The following MKLN1 variants were observed in gnomAD, a reference collection of about 807,000 sequenced individuals.
MKLN1 encodes muskelin 1, also known as muskelin.
Under a neutral mutation model 99.0 loss-of-function variants are expected in MKLN1, and 18 were observed. The ratio of observed to expected loss-of-function variants is 0.18; its 90% CI spans 0.13 to 0.27. The LOEUF (loss-of-function observed/expected upper bound fraction) is 0.27, where lower values mean the gene tolerates loss of function less well. MKLN1 is among the 10% of genes least tolerant of loss of function. MKLN1 has a pLI of 1.00. For synonymous variants in MKLN1, 288 were observed against 293.2 expected, an observed-to-expected ratio of 0.98 and a Z score of 0.18; for missense variants, 621 against 875.9, an observed-to-expected ratio of 0.71 and a Z score of 3.67.
chr7:131,157,707 G>C (rs371606378), intron 2 of MKLN1, among the ~76,000 whole-genome samples: 6 of 152,094 alleles, frequency 3.9e-5, no homozygotes, highest in East Asian at 3.9e-4. Flanking sequence ...TACATTACCC[G>C]AGAAGCTGGT....
chr7:131,245,250 A>C (rs997579078), intron 3 of MKLN1, among the ~76,000 whole-genome samples: 1 of 151,578 alleles, frequency 6.6e-6, no homozygotes, highest in Admixed American at 6.6e-5. Flanking sequence ...TGGTGATCCC[A>C]TAAGATTATT....
Position 131,307,486 on chromosome 7 carries a change from T to C in MKLN1, c.-178-67938T>C, listed in dbSNP as rs986249289. 5.9e-5 allele frequency among the ~76,000 whole-genome samples: 9 copies of C among 152,056 alleles called. No homozygotes were observed. In the South Asian group the frequency reaches 6.2e-4, roughly 11 times the overall value. On this transcript the variant is annotated intron_variant, in intron 3 of 7. Transcript: ENST00000416992. ...GCTGCAGGAACTCAAGGGCAGCCCA[T>C]GAAAGCAGCTGCAGGGGCTGTACCC...
intron 3 of MKLN1, among the ~76,000 whole-genome samples, chr7:131,212,847 C>T (rs143723406): frequency 0.025 from 3,852 of 151,470 alleles, 62 homozygotes; most frequent in Non-Finnish European, 0.038. Flanking sequence ...TGCTGGAACC[C>T]GGGAGGCGGA....
intron 12 of MKLN1, among the ~76,000 whole-genome samples, chr7:131,451,267 T>A (rs1796168248): frequency 6.6e-6 from 1 of 152,194 alleles, no homozygotes; most frequent in African/African-American, 2.4e-5. Context: ...CTAAAGATTT[T>A]TTACTACAGT....
chr7:131,435,964 A>G (rs919715611), intron 9 of MKLN1, among the ~76,000 whole-genome samples: 3 of 151,940 alleles, frequency 2.0e-5, no homozygotes, highest in African/African-American at 4.8e-5. Context: ...TGAAGCAAGA[A>G]GTTCTATTAT....
At chr7:131,401,750 A>C (rs757533984) in intron 6 of MKLN1, among the ~76,000 whole-genome samples, 47 of 152,186 alleles carry the variant, frequency 3.1e-4, no homozygotes, top group Non-Finnish European at 5.7e-4. Context: ...TTTCCTTTGC[A>C]TGTGCATATA....
In MKLN1 at chr7:131,271,725, A is replaced by G. The variant is rs533602698; in HGVS notation, c.-179+68751A>G. ...GGAGTTTGAGACCAGCTTGGTCAAC[A>G]TGGTGAAACCCCATCTCTACTAAAA... On this transcript the variant is annotated intron_variant, in intron 3 of 7. Transcript: ENST00000416992. Among the ~76,000 whole-genome samples the G allele has an allele frequency of 4.2e-4, 64 of 152,116 alleles. 1 individual carries two copies. The highest frequency in any genetic ancestry group is 1.2e-3 in the Admixed American group (19 of 15,260).
intron 2 of MKLN1, among the ~76,000 whole-genome samples, chr7:131,182,248 A>T (rs1796387446): frequency 6.6e-6 from 1 of 152,232 alleles, no homozygotes; most frequent in Admixed American, 6.5e-5. Context: ...CCTGCAGTTG[A>T]CACTGTATGA....
intron 3 of MKLN1, 146 bp from the exon 4 acceptor site, chr7:131,388,738 C>T: frequency 1.8e-6 from 1 of 540,758 alleles, no homozygotes; most frequent in Non-Finnish European, 3.3e-6. Context: ...CCTATATGCC[C>T]ATGTTCAACT....
Position 131,437,939 on chromosome 7 carries a change from T to C in MKLN1, c.1115T>C (p.Met372Thr), listed in dbSNP as rs1291898991. 1 of 1,613,946 alleles carries C rather than the reference T, an allele frequency of 6.2e-7. No homozygotes were observed. Among genetic ancestry groups the C allele is most frequent in the South Asian group, 1.1e-5 (1 of 91,078 alleles). The change falls in exon 10 of 18, where the codon ATG (methionine) becomes ACG (threonine). Residue 372 changes from methionine (M) to threonine (T), a missense_variant. Around this residue, in one of 8 missense-constraint regions of MKLN1, gnomAD observed 361 missense variants for 540.8 expected, o/e 0.67. Transcript: ENST00000352689. ...TATGACATTGATACAAACACATGGA[T>C]GTTACTAAGTGAGGATACTGCTGCT... Reference protein sequence around the residue: ...YRYDIDTNTWMLLSEDTAADG... With the variant: ...YRYDIDTNTWTLLSEDTAADG...
rs564797962 is a variant in MKLN1 at position 131,216,007 on chromosome 7, C to T, written c.-179+13033C>T. ...GTTAGTTCCCTTTAAGGAGTCTAGA[C>T]GCCCCATTCTAGCATCCCCTGCCTC... On this transcript the variant is annotated intron_variant, in intron 3 of 7. Coordinates refer to the MKLN1 transcript ENST00000416992. Among the ~76,000 whole-genome samples the T allele has an allele frequency of 5.3e-5, 8 of 152,244 alleles. No individual in the cohort carries two copies. In the East Asian group the frequency reaches 1.5e-3, roughly 29 times the overall value.
intron 3 of MKLN1, among the ~76,000 whole-genome samples, chr7:131,269,771 A>G (rs1475296241): frequency 1.3e-5 from 2 of 152,168 alleles, no homozygotes; most frequent in East Asian, 1.9e-4. Flanking sequence ...TAGCATTCCC[A>G]TTGAGATTTT....
chr7:131,438,079 C>A, intron 10 of MKLN1, 82 bp downstream of exon 10: 2 of 1,071,386 alleles, frequency 1.9e-6, no homozygotes, highest in South Asian at 1.4e-5. Flanking sequence ...AGATGTTATG[C>A]TGAGTTGTCC....
chr7:131,291,528 T>G (rs1798216832), intron 3 of MKLN1, among the ~76,000 whole-genome samples: 1 of 150,840 alleles, frequency 6.6e-6, no homozygotes, highest in African/African-American at 2.4e-5. Context: ...AATATATATA[T>G]AATGCAGAAT....
intron 1 of MKLN1, among the ~76,000 whole-genome samples, chr7:131,368,270 T>G (rs1253662382): frequency 2.0e-5 from 3 of 152,218 alleles, no homozygotes; most frequent in East Asian, 1.9e-4. Flanking sequence ...TTTAAAAATT[T>G]TAAAAGACAA....
At chr7:131,222,474 G>C (rs1797074009) in intron 3 of MKLN1, among the ~76,000 whole-genome samples, 1 of 152,126 alleles carries the variant, frequency 6.6e-6, no homozygotes, top group South Asian at 2.1e-4. Flanking sequence ...GGTTTATGTA[G>C]AGTCTCCCAG....
intron 2 of MKLN1, among the ~76,000 whole-genome samples, chr7:131,171,488 G>T (rs764596398): frequency 6.6e-6 from 1 of 151,302 alleles, no homozygotes; most frequent in South Asian, 2.1e-4. Flanking sequence ...ATCGTGTTTC[G>T]CTTTTGTAGC....
At chr7:131,325,844 G>A (rs139902150), upstream of MKLN1, among the ~76,000 whole-genome samples, 16 of 147,380 alleles carry the variant, frequency 1.1e-4, no homozygotes, top group Non-Finnish European at 1.3e-4. Context: ...GACTCTATGG[G>A]AACAAATTCA....
At chr7:131,116,541 A>G (rs549164651) in intron 1 of MKLN1, among the ~76,000 whole-genome samples, 1 of 152,238 alleles carries the variant, frequency 6.6e-6, no homozygotes, top group South Asian at 2.1e-4. Flanking sequence ...CTCCCTTGTA[A>G]TGGAGTTAGC....
Sources: gnomAD v4.1 joint callset for allele counts (sites outside exome capture counted in the v4.1 genomes callset) on GRCh38, gnomAD v4.1.1 for gene constraint, gnomAD v4.1.1 regional missense constraint, MANE v1.5 for transcripts, NCBI Gene and HGNC (gene_info 2026-07-23, HGNC 2026-07-21) for gene names.